SLC11A1: variants seen among roughly 807,000 people sequenced by gnomAD.
SLC11A1 encodes the protein natural resistance-associated macrophage protein 1.
Under a neutral mutation model 63.2 loss-of-function variants are expected in SLC11A1, and 59 were observed. That is an observed-to-expected ratio of 0.93 (90% CI 0.76 to 1.16). SLC11A1 has a LOEUF of 1.16. Among genes scored for constraint, SLC11A1 ranks in the 50% most tolerant of loss-of-function variants. The pLI is 0.00. For synonymous variants in SLC11A1, 305 were observed against 307.8 expected, an observed-to-expected ratio of 0.99 and a Z score of 0.09; for missense variants, 688 against 730.7, an observed-to-expected ratio of 0.94 and a Z score of 0.67.
At chr2:218,391,062 T>G (rs1696405061) in intron 9 of SLC11A1, 136 bp from the exon 10 acceptor site, 2 of 702,694 alleles carry the variant, frequency 2.8e-6, no homozygotes, top group Non-Finnish European at 5.0e-6. Context: ...CTTATTTTGT[T>G]AGCCAAACAA....
In SLC11A1 at chr2:218,382,998, G is replaced by A. The variant is rs1695883429; in HGVS notation, c.46G>A (p.Gly16Ser). Residue 16 changes from glycine to serine, a missense_variant, in exon 2 of 15, where the codon GGT becomes AGT. Physicochemically the swap from Gly to Ser is moderately conservative, Grantham distance 56. Transcript: ENST00000233202. ...GPQRLSGSSY[G>S]SISSPTSPTS... ...CCAAAGGCTAAGCGGGTCCAGCTAT[G>A]GTTCCATCTCCAGCCCGACCAGCCC... The A allele has an allele frequency of 1.2e-6, 2 of 1,614,076 alleles. No homozygotes were observed. Among genetic ancestry groups the A allele is most frequent in the Non-Finnish European group, 1.7e-6 (2 of 1,180,022 alleles).
chr2:218,394,674 C>T lies in SLC11A1; in HGVS notation c.1431C>T (p.Cys477=), dbSNP rs769585872. Residue 477 remains cysteine, a synonymous_variant, in exon 14 of 15, where the codon TGC becomes TGT. Coordinates refer to ENST00000233202, the MANE Select transcript of SLC11A1 (RefSeq NM_000578.4). ...CCTCTTCCATCATGGTGCTAGTCTG[C>T]GCCATCAACCTCTACTTCGTGGTCA... ...VVTSSIMVLV[C]AINLYFVVSY... is the part of the protein sequence containing the mutation. 24 of 1,614,020 alleles carry T rather than the reference C, an allele frequency of 1.5e-5. No homozygotes were observed. The East Asian group carries it at 4.2e-4, about 28-fold the overall frequency.
intron 5 of SLC11A1, 47 bp from the exon 6 acceptor site, chr2:218,387,113 G>A (rs1176964840): frequency 1.3e-6 from 2 of 1,560,588 alleles, no homozygotes; most frequent in African/African-American, 1.4e-5. Flanking sequence ...GTAGGAGTTA[G>A]AGACCCCTGG....
rs1320789333 is a variant in SLC11A1 at position 218,394,906 on chromosome 2, A to G, written c.1543-19A>G. On this transcript the variant is annotated intron_variant, in intron 14 of 14. Coordinates refer to ENST00000233202, the MANE Select transcript of SLC11A1 (RefSeq NM_000578.4). Reference sequence around the variant, plus strand: ...AGAGGTCTTGGCATCTCCCCAATTCATGGTTGCCCCTCCCCCAGGTCTGGA... The same window carrying G: ...AGAGGTCTTGGCATCTCCCCAATTCGTGGTTGCCCCTCCCCCAGGTCTGGA... 1 of 1,609,832 alleles carries G rather than the reference A, an allele frequency of 6.2e-7. No individual in the cohort carries two copies.
chr2:218,387,144 G>A lies in SLC11A1; in HGVS notation c.501-16G>A. On this transcript the variant is annotated splice_polypyrimidine_tract_variant and intron_variant, in intron 5 of 14. Transcript: ENST00000233202. Reference sequence around the variant, plus strand: ...CCTGGACCAGGCTGGGCTGACCCGGGCCACTCTGGTTTCAGAATCCCACTC... The same window carrying A: ...CCTGGACCAGGCTGGGCTGACCCGGACCACTCTGGTTTCAGAATCCCACTC... The A allele has an allele frequency of 4.3e-6, 7 of 1,613,592 alleles. No homozygotes were observed. Among genetic ancestry groups the A allele is most frequent in the Non-Finnish European group, 5.9e-6 (7 of 1,179,470 alleles).
rs781650315 is a variant in SLC11A1, at chr2:218,384,381, C to T, written c.273+16C>T. On this transcript the variant is annotated intron_variant, in intron 3 of 14. Transcript: ENST00000233202. The surrounding 1 kb of genome is among the most constrained non-coding windows in gnomAD (Gnocchi z 4.0). ...GGGATTCAAAGTAACTAAGTCGGGA[C>T]CTGAGTGGGGACACTTTCGAGAGGG... 7 of 1,591,508 alleles carry T rather than the reference C, an allele frequency of 4.4e-6. No individual in the cohort carries two copies. In the East Asian group the frequency reaches 1.6e-4, roughly 36 times the overall value.
In SLC11A1 at chr2:218,391,421, T is replaced by G. The variant is rs773010770; in HGVS notation, c.1090T>G (p.Trp364Gly). The change falls in exon 11 of 15, where the codon TGG (tryptophan) becomes GGG (glycine). Residue 364 changes from tryptophan (W) to glycine (G), a missense_variant. Transcript: ENST00000233202. Reference protein sequence around the residue: ...CLFGPAALYIWAIGLLAAGQS... With the variant: ...CLFGPAALYIGAIGLLAAGQS... ...GTTCGGCCCCGCGGCCCTCTACATC[T>G]GGGCCATAGGTCTCCTGGCGGCTGG... is the stretch of plus-strand genomic sequence containing the variant. The G allele has an allele frequency of 1.2e-6, 2 of 1,613,900 alleles. No individual in the cohort carries two copies.
rs368182538 is a variant in SLC11A1, at chr2:218,390,028, G to A, written c.954G>A (p.Ala318=). The change falls in exon 9 of 15, where the codon GCG becomes GCA. Residue 318 remains alanine (A), a splice_region_variant and synonymous_variant. Coordinates refer to ENST00000233202, the MANE Select transcript of SLC11A1 (RefSeq NM_000578.4). ...QAFYQKTNQA[A]FNICANSSLH... is the part of the protein sequence containing the mutation. ...TCTACCAGAAAACCAACCAGGCTGCGGTGAGACACACTTTCCCCCGCACCT... is the reference window on the plus strand; with the variant it reads ...TCTACCAGAAAACCAACCAGGCTGCAGTGAGACACACTTTCCCCCGCACCT... 22 of 1,608,544 alleles carry A rather than the reference G, an allele frequency of 1.4e-5. No homozygotes were observed. Among genetic ancestry groups the A allele is most frequent in the East Asian group, 2.2e-5 (1 of 44,866 alleles).
At position 218,394,708 on chromosome 2, in the gene SLC11A1, C is replaced by T; in HGVS notation, c.1465C>T (p.Pro489Ser). The T allele has an allele frequency of 1.2e-6, 2 of 1,614,030 alleles. No individual in the cohort carries two copies. The highest frequency in any genetic ancestry group is 2.2e-5 in the South Asian group (2 of 91,086). ...INLYFVVSYL[P>S]SLPHPAYFGL... ...CCTCTACTTCGTGGTCAGCTATCTG[C>T]CCAGCCTGCCCCACCCTGCCTACTT... is the stretch of plus-strand genomic sequence containing the variant. The change falls in exon 14 of 15, where the codon CCC becomes TCC. Residue 489 changes from proline (P) to serine (S), a missense_variant. Coordinates refer to ENST00000233202, the MANE Select transcript of SLC11A1 (RefSeq NM_000578.4).
rs1696151528 is a variant in SLC11A1, at chr2:218,387,182, C to T, written c.523C>T (p.Leu175Phe). 1.2e-6 allele frequency: 2 copies of T among 1,614,190 alleles called. No homozygotes were observed. Among genetic ancestry groups the T allele is most frequent in the South Asian group, 1.1e-5 (1 of 91,086 alleles). ...CAGAATCCCACTCTGGGGTGGCGTCCTCATCACCATCGTGGACACCTTCTT... is the reference window on the plus strand; with the variant it reads ...CAGAATCCCACTCTGGGGTGGCGTCTTCATCACCATCGTGGACACCTTCTT... ...AGRIPLWGGV[L>F]ITIVDTFFFL... Residue 175 changes from leucine (L) to phenylalanine (F), a missense_variant, in exon 6 of 15, where the codon CTC (leucine) becomes TTC (phenylalanine). By Grantham distance (22) the Leu-to-Phe change is conservative (BLOSUM62 0). Coordinates refer to ENST00000233202, the MANE Select transcript of SLC11A1 (RefSeq NM_000578.4).
chr2:218,394,357 C>G (rs938822543), intron 13 of SLC11A1, 164 bp downstream of exon 13: 1 of 761,962 alleles, frequency 1.3e-6, no homozygotes, highest in Non-Finnish European at 2.1e-6. Context: ...AGTTGAGGAG[C>G]CAAGACTGGA....
At chr2:218,391,572 C>A in intron 11 of SLC11A1, 77 bp downstream of exon 11, 7 of 1,386,730 alleles carry the variant, frequency 5.0e-6, no homozygotes, top group Non-Finnish European at 5.8e-6. Flanking sequence ...GAACTCCGAG[C>A]CTTGTGGGTC....
In SLC11A1 at chr2:218,391,279, T is replaced by C; in HGVS notation, c.1036T>C (p.Tyr346His). The C allele has an allele frequency of 1.1e-6, 1 of 875,268 alleles. No homozygotes were observed. The highest frequency in any genetic ancestry group is 1.7e-6 in the Non-Finnish European group (1 of 573,978). 54.2% of individuals were successfully genotyped at this position (875,268 alleles called of 1,614,324 possible). The change falls in exon 10 of 15, where the codon TAC (tyrosine) becomes CAC (histidine). Residue 346 changes from tyrosine to histidine, a missense_variant. Physicochemically the swap from Tyr to His is moderately conservative, Grantham distance 83. Coordinates refer to ENST00000233202, the MANE Select transcript of SLC11A1 (RefSeq NM_000578.4). Reference protein sequence around the residue: ...MNNATVAVDIYQGGVILGCLF... With the variant: ...MNNATVAVDIHQGGVILGCLF... ...CAACGCCACCGTGGCCGTGGACATT[T>C]ACCAGGGGGTGAGCGCGGGTGGGTG...
Position 218,382,355 on chromosome 2 carries a change from A to C in SLC11A1, c.-14A>C. ...ACCGCTCACACTCCCAGAGTACCTG[A>C]AGTCGGCATTTCAATGACAGGTGAG... On this transcript the variant is annotated 5_prime_UTR_variant, in exon 1 of 15. Transcript: ENST00000233202. The C allele has an allele frequency of 1.2e-6, 2 of 1,613,352 alleles. No individual in the cohort carries two copies. Among genetic ancestry groups the C allele is most frequent in the East Asian group, 2.2e-5 (1 of 44,876 alleles).
At chr2:218,385,892 C>T (rs1696075180) in intron 4 of SLC11A1, among the ~76,000 whole-genome samples, 1 of 152,082 alleles carries the variant, frequency 6.6e-6, no homozygotes, top group Admixed American at 6.6e-5. Flanking sequence ...TTGTGAGTGT[C>T]CAGTTTGGAA....
rs760103203 is a variant in SLC11A1, at chr2:218,394,780, T to C, written c.1537T>C (p.Tyr513His). The C allele has an allele frequency of 1.6e-5, 26 of 1,612,368 alleles. No individual in the cohort carries two copies. Among genetic ancestry groups the C allele is most frequent in the Non-Finnish European group, 2.1e-5 (25 of 1,179,988 alleles). The change falls in exon 14 of 15, where the codon TAC (tyrosine) becomes CAC (histidine). Residue 513 changes from tyrosine to histidine, a missense_variant. Transcript: ENST00000233202. Reference protein sequence around the residue: ...LAAAYLGLSTYLVWTCCLAHG... With the variant: ...LAAAYLGLSTHLVWTCCLAHG... Reference sequence around the variant, plus strand: ...CGCAGCCTACCTGGGCCTCAGCACCTACCTGGTACAGTAGGGCCAGGGGAT... The same window carrying C: ...CGCAGCCTACCTGGGCCTCAGCACCCACCTGGTACAGTAGGGCCAGGGGAT...
rs1232404168 is a variant in SLC11A1, at chr2:218,396,489, G to A, written c.*1454G>A. The A allele has an allele frequency of 1.3e-5, 2 of 152,562 alleles. No homozygotes were observed. The highest frequency in any genetic ancestry group is 4.8e-5 in the African/African-American group (2 of 41,586). The allele number at this position is 152,562 out of a possible 1,614,324, so 9.5% of individuals were successfully genotyped here. Reference sequence around the variant, plus strand: ...CCCCGATTTCCTGGGGACCCAGCAGGGCAGGCGGCCTGGCTCCGCGCTCAG... The same window carrying A: ...CCCCGATTTCCTGGGGACCCAGCAGAGCAGGCGGCCTGGCTCCGCGCTCAG... On this transcript the variant is annotated 3_prime_UTR_variant, in exon 15 of 15. Transcript: ENST00000233202.
At chr2:218,389,104 AAATAAT>A (rs138562502) in intron 8 of SLC11A1, among the ~76,000 whole-genome samples, 29 of 147,700 alleles carry the variant, frequency 2.0e-4, no homozygotes, top group East Asian at 9.9e-4. Context: ...GACCCTGTCA[AAATAAT>A]AATAATAATA....
At chr2:218,394,902 A>G (rs1282151915) in intron 14 of SLC11A1, 23 bp from the exon 15 acceptor site, 4 of 1,609,322 alleles carry the variant, frequency 2.5e-6, no homozygotes, top group Middle Eastern at 1.7e-4. Flanking sequence ...CATCTCCCCA[A>G]TTCATGGTTG....
Sources: gnomAD v4.1 joint callset for allele counts (sites outside exome capture counted in the v4.1 genomes callset) on GRCh38, gnomAD v4.1.1 for gene constraint, Gnocchi (gnomAD v3.1) non-coding constraint, MANE v1.5 for transcripts, NCBI Gene and HGNC (gene_info 2026-07-23, HGNC 2026-07-21) for gene names.